Variants in DGCR2 observed in about 807,000 individuals in gnomAD.
DGCR2 encodes the protein DiGeorge syndrome critical region gene 2.
In DGCR2, 24 loss-of-function variants were observed where a neutral mutation model predicts 51.6. That is an observed-to-expected ratio of 0.47 (90% CI 0.34 to 0.65). The LOEUF (loss-of-function observed/expected upper bound fraction) is 0.65. Ranked by LOEUF, DGCR2 falls within the 30% of genes least tolerant of loss-of-function variation. The pLI, the probability that DGCR2 is intolerant of heterozygous loss-of-function variation, is 0.01. For synonymous variants in DGCR2, 340 were observed against 315.4 expected, an observed-to-expected ratio of 1.08 and a Z score of -0.82; for missense variants, 765 against 772.1, an observed-to-expected ratio of 0.99 and a Z score of 0.11.
chr22:19,087,499 C>A (rs1376470517), intron 2 of DGCR2, among the ~76,000 whole-genome samples: 2 of 152,076 alleles, frequency 1.3e-5, no homozygotes, highest in African/African-American at 4.8e-5. Flanking sequence ...AAGTGATTCT[C>A]CTGCCTCAGC....
rs960241940 is a variant in DGCR2, at chr22:19,119,232, G to A, written c.79+2896C>T. Among the ~76,000 whole-genome samples the A allele has an allele frequency of 1.1e-4, 16 of 152,284 alleles. No homozygotes were observed. The South Asian group carries it at 3.3e-3, about 32-fold the overall frequency. On this transcript the variant is annotated intron_variant, in intron 1 of 9. Coordinates refer to ENST00000263196, the MANE Select transcript of DGCR2 (RefSeq NM_005137.3). ...ACACAGTTGGAGTGCACAGACCCCA[G>A]TCACGGGTGCATGATGGGGGGAAGG...
chr22:19,041,325 G>C (rs1341251927), intron 8 of DGCR2, 31 bp from the exon 9 acceptor site: 2 of 1,604,028 alleles, frequency 1.2e-6, no homozygotes, highest in South Asian at 2.2e-5. Flanking sequence ...AACGGGAACA[G>C]AGACAAGTCA....
intron 4 of DGCR2, among the ~76,000 whole-genome samples, chr22:19,063,975 C>T (rs1420397793): frequency 2.0e-5 from 3 of 152,224 alleles, no homozygotes; most frequent in Non-Finnish European, 4.4e-5. Context: ...AAAACACTTG[C>T]ACGGCTTCCC....
chr22:19,081,175 C>T (rs2082932027), intron 2 of DGCR2, among the ~76,000 whole-genome samples: 1 of 152,166 alleles, frequency 6.6e-6, no homozygotes, highest in Admixed American at 6.6e-5. Flanking sequence ...ATGTATGTAG[C>T]ACACATGTAA....
intron 5 of DGCR2, among the ~76,000 whole-genome samples, chr22:19,059,372 T>A (rs1417590238): frequency 6.6e-6 from 1 of 151,968 alleles, no homozygotes; most frequent in African/African-American, 2.4e-5. Context: ...TCCAAAGGTG[T>A]GAGAGGAGCC....
At position 19,037,969 on chromosome 22, in the gene DGCR2, GC is replaced by G. The variant is rs2146296121; in HGVS notation, c.*895del. On this transcript the variant is annotated 3_prime_UTR_variant, in exon 10 of 10. Coordinates refer to ENST00000263196, the MANE Select transcript of DGCR2 (RefSeq NM_005137.3). ...AGCAACCCTTTATGGCACAAATGGG[GC>G]CGGGGGCAGGCCCAGGGGCAATTCA... 2 of 153,186 alleles carry G rather than the reference GC, an allele frequency of 1.3e-5. No homozygotes were observed. The highest frequency in any genetic ancestry group is 4.1e-4 in the South Asian group (2 of 4,832). 9.5% of individuals were successfully genotyped at this position (153,186 alleles called of 1,614,324 possible).
chr22:19,083,339 TC>T (rs1199097896), intron 2 of DGCR2, among the ~76,000 whole-genome samples: 6 of 152,292 alleles, frequency 3.9e-5, no homozygotes, highest in Middle Eastern at 3.4e-3. Context: ...AATTTGGATT[TC>T]CCTGAGCCAA....
intron 1 of DGCR2, among the ~76,000 whole-genome samples, chr22:19,092,322 C>T (rs113574852): frequency 0.017 from 2,549 of 148,458 alleles, 75 homozygotes; most frequent in African/African-American, 0.061. Flanking sequence ...GCAGCCTGGG[C>T]GACAGAACGA....
chr22:19,081,456 T>A (rs2082935696), intron 2 of DGCR2, among the ~76,000 whole-genome samples: 1 of 152,254 alleles, frequency 6.6e-6, no homozygotes, highest in African/African-American at 2.4e-5. Context: ...TCAAGATTCA[T>A]CCATGTTGCT....
At chr22:19,076,821 C>T (rs2082882833) in intron 2 of DGCR2, among the ~76,000 whole-genome samples, 1 of 143,982 alleles carries the variant, frequency 6.9e-6, no homozygotes, top group Non-Finnish European at 1.5e-5. Context: ...AGCTCCACCT[C>T]CAGGATTCAT....
chr22:19,111,929 A>G (rs1340543499), intron 1 of DGCR2, among the ~76,000 whole-genome samples: 1 of 151,866 alleles, frequency 6.6e-6, no homozygotes, highest in Non-Finnish European at 1.5e-5. Flanking sequence ...ACAAAAGTAC[A>G]TCAACGAAGG....
chr22:19,062,775 GCT>G (rs1491258740), intron 5 of DGCR2, among the ~76,000 whole-genome samples: 2 of 108,858 alleles, frequency 1.8e-5, no homozygotes, highest in Non-Finnish European at 3.9e-5. Context: ...ACACATGCAT[GCT>G]CACTCTCTCT....
chr22:19,061,927 G>A (rs911444359), intron 5 of DGCR2: 1 of 152,188 alleles, frequency 6.6e-6, no homozygotes, highest in Non-Finnish European at 1.5e-5. Context: ...AGGCTCCAAT[G>A]GAGTCACTGA....
Position 19,064,883 on chromosome 22 carries a change from C to T in DGCR2, c.513G>A (p.Gln171=), listed in dbSNP as rs764865799. 1 of 1,613,872 alleles carries T rather than the reference C, an allele frequency of 6.2e-7. No homozygotes were observed. The highest frequency in any genetic ancestry group is 1.1e-5 in the South Asian group (1 of 91,092). ...CCTTCCAACCAAAGCTCCGCTCGGG[C>T]TGGTCCCATTCCTGGGCCAGGACAA... is the stretch of plus-strand genomic sequence containing the variant. ...LRFVLAQEWD[Q]PERSFGWKDQ... The change falls in exon 4 of 10, where the codon CAG becomes CAA. Residue 171 remains glutamine, a synonymous_variant. Transcript: ENST00000263196.
chr22:19,040,746 G>T (rs1287750281), intron 9 of DGCR2, among the ~76,000 whole-genome samples: 1 of 152,218 alleles, frequency 6.6e-6, no homozygotes, highest in African/African-American at 2.4e-5. Flanking sequence ...GGGCTCCCCA[G>T]GTCTCTAGAG....
At chr22:19,042,035 C>T (rs2082438755) in intron 7 of DGCR2, 76 bp from the exon 8 acceptor site, 2 of 1,515,434 alleles carry the variant, frequency 1.3e-6, no homozygotes, top group South Asian at 2.6e-5. Flanking sequence ...CTGTCGTCCT[C>T]CTGCCCAGGC....
At chr22:19,066,614 G>A (rs2082752448) in intron 3 of DGCR2, among the ~76,000 whole-genome samples, 1 of 152,204 alleles carries the variant, frequency 6.6e-6, no homozygotes, top group South Asian at 2.1e-4. Flanking sequence ...CAGAGGCCAG[G>A]CCCCTATCTC....
chr22:19,105,707 T>C (rs1363278915), intron 1 of DGCR2, among the ~76,000 whole-genome samples: 1 of 268 alleles, frequency 3.7e-3, no homozygotes, highest in African/African-American at 0.012. Context: ...CCAACCTGCG[T>C]CAGACAGAGA....
Position 19,068,158 on chromosome 22 carries a change from T to C in DGCR2, c.270A>G (p.Arg90=). 1 of 1,611,560 alleles carries C rather than the reference T, an allele frequency of 6.2e-7. No individual in the cohort carries two copies. Among genetic ancestry groups the C allele is most frequent in the East Asian group, 2.2e-5 (1 of 44,754 alleles). ...CGTGGAAGTGCGAAGGGTCGCCTCC[T>C]CTGGCCCGCCCCTGCCGCGGATCCA... ...EAVDPRQGRA[R]GGDPSHFHAV... is the part of the protein sequence containing the mutation. The change falls in exon 3 of 10, where the codon AGA becomes AGG. Residue 90 remains arginine (R), a synonymous_variant. Coordinates refer to ENST00000263196, the MANE Select transcript of DGCR2 (RefSeq NM_005137.3).
Sources: gnomAD v4.1 joint callset for allele counts (sites outside exome capture counted in the v4.1 genomes callset) on GRCh38, gnomAD v4.1.1 for gene constraint, MANE v1.5 for transcripts, NCBI Gene and HGNC (gene_info 2026-07-23, HGNC 2026-07-21) for gene names.